ARMH4: variants seen among roughly 807,000 people sequenced by gnomAD.
ARMH4 encodes armadillo-like helical domain-containing protein 4.
Under a neutral mutation model 61.9 loss-of-function variants are expected in ARMH4, and 49 were observed. The observed-to-expected ratio is 0.79, with a 90% CI of 0.63 to 1.00. The LOEUF is 1.00. ARMH4 is among the 50% of genes least tolerant of loss of function. The pLI, the probability that ARMH4 is intolerant of heterozygous loss-of-function variation, is 0.00. For synonymous variants in ARMH4, 368 were observed against 341.5 expected, an observed-to-expected ratio of 1.08 and a Z score of -0.85; for missense variants, 934 against 930.0, an observed-to-expected ratio of 1.00 and a Z score of -0.06.
intron 5 of ARMH4, among the ~76,000 whole-genome samples, chr14:58,090,981 C>T (rs141863332): frequency 6.6e-5 from 10 of 151,762 alleles, no homozygotes; most frequent in African/African-American, 2.2e-4. Context: ...TTTGGGAGAC[C>T]GAGTGCAGGC....
chr14:58,049,171 G>A (rs1028905712), intron 5 of ARMH4, among the ~76,000 whole-genome samples: 6 of 151,146 alleles, frequency 4.0e-5, no homozygotes, highest in Non-Finnish European at 7.4e-5. Flanking sequence ...CCCAGGAGGC[G>A]GAGCTTGCAG....
In ARMH4 at chr14:58,097,354, TA is replaced by T. The variant is rs750453763; in HGVS notation, c.1832-374del. Among the ~76,000 whole-genome samples the T allele has an allele frequency of 6.7e-4, 102 of 152,338 alleles. No homozygotes were observed. The South Asian group carries it at 0.018, about 27-fold the overall frequency. On this transcript the variant is annotated intron_variant, in intron 4 of 7. Transcript: ENST00000267485. Reference sequence around the variant, plus strand: ...CACACTGTGAAATACTAACAGAACTTAAAAGAAGCTGTTCCCATCCCTTTAT... The same window carrying T: ...CACACTGTGAAATACTAACAGAACTTAAAGAAGCTGTTCCCATCCCTTTAT...
chr14:58,064,988 A>G (rs1046598626), intron 5 of ARMH4, among the ~76,000 whole-genome samples: 1 of 152,218 alleles, frequency 6.6e-6, no homozygotes, highest in Non-Finnish European at 1.5e-5. Flanking sequence ...TTATGCCTGT[A>G]ATCCCAGCAC....
intron 5 of ARMH4, among the ~76,000 whole-genome samples, chr14:58,014,097 A>G (rs1453895503): frequency 2.0e-5 from 3 of 152,152 alleles, no homozygotes; most frequent in African/African-American, 7.2e-5. Flanking sequence ...AGACTTTCGA[A>G]CTACCAATTT....
chr14:58,067,466 A>C (rs1050098974), intron 5 of ARMH4, among the ~76,000 whole-genome samples: 4 of 152,184 alleles, frequency 2.6e-5, no homozygotes, highest in African/African-American at 4.8e-5. Context: ...TGGTGAAAGA[A>C]GTGGGGAGGC....
intron 4 of ARMH4, among the ~76,000 whole-genome samples, chr14:58,127,128 C>T (rs770564629): frequency 1.2e-4 from 18 of 152,178 alleles, no homozygotes; most frequent in Non-Finnish European, 2.6e-4. Context: ...TCCAGCAAGT[C>T]AATTATTATG....
At chr14:58,046,342 G>A (rs11622648) in intron 5 of ARMH4, among the ~76,000 whole-genome samples, 2 of 152,012 alleles carry the variant, frequency 1.3e-5, no homozygotes, top group African/African-American at 4.8e-5. Context: ...GACAATTTGC[G>A]TGCTGAGATG....
intron 4 of ARMH4, among the ~76,000 whole-genome samples, chr14:58,099,499 A>C (rs1370187277): frequency 2.0e-5 from 3 of 152,002 alleles, no homozygotes; most frequent in African/African-American, 4.8e-5. Flanking sequence ...GGCACGGGGG[A>C]CCTTGACAAA....
chr14:58,123,821 T>C (rs2141311027), intron 4 of ARMH4, among the ~76,000 whole-genome samples: 1 of 152,340 alleles, frequency 6.6e-6, no homozygotes, highest in African/African-American at 2.4e-5. Context: ...ACCTGGACAC[T>C]CTTGTCCTTC....
rs559995546 is a variant in ARMH4, at chr14:58,133,391, A to T, written c.1370-50T>A. 822 of 1,506,308 alleles carry T rather than the reference A, an allele frequency of 5.5e-4. 4 individuals are homozygous for T. The highest frequency in any genetic ancestry group is 3.3e-3 in the African/African-American group (221 of 67,454). 93.3% of individuals were successfully genotyped at this position (1,506,308 alleles called of 1,614,324 possible). A position where few individuals can be genotyped will look rare whatever the true frequency, so the allele number is the denominator to read the frequency against. ...AATAGACCAAATCCCTATTTTTTTA[A>T]AAAAAAAAAATCATGATATGATTAA... On this transcript the variant is annotated intron_variant, in intron 2 of 7. Transcript: ENST00000267485.
At chr14:58,108,432 C>G (rs1050939276) in intron 4 of ARMH4, among the ~76,000 whole-genome samples, 1 of 152,214 alleles carries the variant, frequency 6.6e-6, no homozygotes, top group Non-Finnish European at 1.5e-5. Flanking sequence ...AATACTGTTA[C>G]ACCTATCTGC....
chr14:58,070,904 CTA>C (rs1884863102), intron 5 of ARMH4, among the ~76,000 whole-genome samples: 1 of 152,090 alleles, frequency 6.6e-6, no homozygotes, highest in Non-Finnish European at 1.5e-5. Flanking sequence ...CTTCTACTCT[CTA>C]TGTGCATGAG....
At chr14:58,040,992 A>C (rs1883675701) in intron 5 of ARMH4, among the ~76,000 whole-genome samples, 2 of 152,210 alleles carry the variant, frequency 1.3e-5, no homozygotes, top group Non-Finnish European at 2.9e-5. Flanking sequence ...CGGTTCCAAG[A>C]TGGCTGAACA....
rs766828647 is a variant in ARMH4, at chr14:58,139,052, G to T, written c.307C>A (p.Leu103Ile). 2 of 1,614,228 alleles carry T rather than the reference G, an allele frequency of 1.2e-6. No individual in the cohort carries two copies. Among genetic ancestry groups the T allele is most frequent in the East Asian group, 2.2e-5 (1 of 44,882 alleles). ...ACACCAGGGCGTTCTGTTTGCATGAGCCCAGCTTGTCCAGGCTGGGTTTCT... is the reference window on the plus strand; with the variant it reads ...ACACCAGGGCGTTCTGTTTGCATGATCCCAGCTTGTCCAGGCTGGGTTTCT... ...NKETQPGQAG[L>I]MQTERPGVST... is the part of the protein sequence containing the mutation. The change falls in exon 2 of 8, where the codon CTC becomes ATC. Residue 103 changes from leucine to isoleucine, a missense_variant. Coordinates refer to ENST00000267485, the MANE Select transcript of ARMH4 (RefSeq NM_001001872.4).
intron 5 of ARMH4, among the ~76,000 whole-genome samples, chr14:58,018,800 T>TG (rs1468864663): frequency 6.6e-6 from 1 of 152,164 alleles, no homozygotes; most frequent in African/African-American, 2.4e-5. Flanking sequence ...CAAATCAGTA[T>TG]GTTGAAGAGA....
At chr14:58,072,142 A>T (rs1356581152) in intron 5 of ARMH4, among the ~76,000 whole-genome samples, 1 of 152,346 alleles carries the variant, frequency 6.6e-6, no homozygotes, top group East Asian at 1.9e-4. Flanking sequence ...AAGCCAGACT[A>T]TCACTACTGT....
At chr14:58,026,967 GC>G (rs1241820335) in intron 5 of ARMH4, among the ~76,000 whole-genome samples, 4 of 152,174 alleles carry the variant, frequency 2.6e-5, no homozygotes, top group Non-Finnish European at 4.4e-5. Context: ...CCTCCCTAGT[GC>G]CTTGACTTAG....
intron 5 of ARMH4, among the ~76,000 whole-genome samples, chr14:58,083,823 C>T (rs1353011967): frequency 1.3e-5 from 2 of 152,204 alleles, no homozygotes; most frequent in Non-Finnish European, 2.9e-5. Context: ...TTCATTTCAA[C>T]AATTTTTGAC....
intron 4 of ARMH4, among the ~76,000 whole-genome samples, chr14:58,113,444 C>T (rs922025822): frequency 2.0e-5 from 3 of 152,102 alleles, no homozygotes; most frequent in Non-Finnish European, 2.9e-5. Context: ...TCCTGTACAT[C>T]TTTTGGTGTG....
Sources: allele counts gnomAD v4.1 joint callset (sites outside exome capture counted in the v4.1 genomes callset), GRCh38; gene constraint gnomAD v4.1.1; transcripts MANE v1.5; gene names NCBI Gene and HGNC (gene_info 2026-07-23, HGNC 2026-07-21).